The following LRRC36 variants were observed in gnomAD, a reference collection of about 807,000 sequenced individuals.
LRRC36 encodes leucine-rich repeat-containing protein 36.
In LRRC36, 62 loss-of-function variants were observed where a neutral mutation model predicts 81.1. That is an observed-to-expected ratio of 0.76 (90% CI 0.62 to 0.94). The LOEUF (loss-of-function observed/expected upper bound fraction) is 0.94, where lower values mean the gene tolerates loss of function less well. LRRC36 is among the 40% of genes least tolerant of loss of function. LRRC36 has a pLI of 0.00. For synonymous variants in LRRC36, 334 were observed against 348.6 expected (o/e 0.96, Z 0.47); for missense variants, 761 against 881.7 (o/e 0.86, Z 1.73).
At chr16:67,337,191 T>C (rs1285856598) in intron 1 of LRRC36, among the ~76,000 whole-genome samples, 1 of 152,206 alleles carries the variant, frequency 6.6e-6, no homozygotes, top group Non-Finnish European at 1.5e-5. Context: ...TGAATAATGC[T>C]GCTATGGATG....
intron 5 of LRRC36, among the ~76,000 whole-genome samples, chr16:67,353,151 A>C (rs1372817206): frequency 6.6e-6 from 1 of 152,124 alleles, no homozygotes; most frequent in Non-Finnish European, 1.5e-5. Context: ...CTCTCAAGCT[A>C]AACATGTCCA....
At chr16:67,361,632 G>C (rs1393818818) in intron 5 of LRRC36, among the ~76,000 whole-genome samples, 1 of 152,180 alleles carries the variant, frequency 6.6e-6, no homozygotes, top group Non-Finnish European at 1.5e-5. Context: ...GAGTGCAATG[G>C]TGCGATCTCA....
rs2039919115 is a variant in LRRC36 at position 67,376,874 on chromosome 16, T to C, written c.1806+2T>C. ...GCGCAGCTGGTCCCTAATGACATGG[T>C]ATGCCCCTCTCATCTCCCTTTAGAA... On this transcript the variant is annotated splice_donor_variant, in intron 11 of 13. Coordinates refer to ENST00000329956, the MANE Select transcript of LRRC36 (RefSeq NM_018296.6). LOFTEE classifies it high-confidence loss of function. 1 of 1,607,200 alleles carries C rather than the reference T, an allele frequency of 6.2e-7. No individual in the cohort carries two copies. Among genetic ancestry groups the C allele is most frequent in the Non-Finnish European group, 8.5e-7 (1 of 1,174,840 alleles).
At chr16:67,375,194 A>G (rs2039835691) in intron 9 of LRRC36, 53 bp from the exon 10 acceptor site, 2 of 1,571,326 alleles carry the variant, frequency 1.3e-6, no homozygotes, top group East Asian at 4.5e-5. Context: ...TGTAAGAATG[A>G]CAAATGGTTG....
At chr16:67,384,772 A>G in intron 13 of LRRC36, 98 bp from the exon 14 acceptor site, 1 of 779,200 alleles carries the variant, frequency 1.3e-6, no homozygotes, top group Non-Finnish European at 2.2e-6. Flanking sequence ...TAAAGATGTG[A>G]CTTCATTTCA....
intron 9 of LRRC36, chr16:67,371,919 G>A (rs1597492677): frequency 6.5e-6 from 1 of 152,738 alleles, no homozygotes; most frequent in East Asian, 1.9e-4. Context: ...TTTCTGTCTA[G>A]AAGTTAAAAG....
intron 6 of LRRC36, among the ~76,000 whole-genome samples, chr16:67,364,899 A>G (rs564060884): frequency 6.6e-6 from 1 of 152,276 alleles, no homozygotes; most frequent in African/African-American, 2.4e-5. Flanking sequence ...GTCCTTGCCT[A>G]GTTATGCCTC....
chr16:67,379,003 C>T (rs540443084), intron 12 of LRRC36, among the ~76,000 whole-genome samples: 2 of 152,274 alleles, frequency 1.3e-5, no homozygotes, highest in South Asian at 4.1e-4. Context: ...ACACCAAGAA[C>T]ATGTTCTTTA....
rs1249064184 is a variant in LRRC36, at chr16:67,367,025, C to T, written c.763C>T (p.His255Tyr). The change falls in exon 8 of 14, where the codon CAC (histidine) becomes TAC (tyrosine). Residue 255 changes from histidine (H) to tyrosine (Y), a missense_variant. His to Tyr is a moderately conservative substitution (Grantham distance 83). Coordinates refer to ENST00000329956, the MANE Select transcript of LRRC36 (RefSeq NM_018296.6). ...GCCTTGGTGGTGTTTAGAGTTCAGA[C>T]ACTACTCGCCTCGTCAGTCCACAGT... ...SDNHQEDEFRHYSPRQSTVRS... is the reference protein window; with the variant it reads ...SDNHQEDEFRYYSPRQSTVRS... The T allele has an allele frequency of 5.6e-6, 9 of 1,599,702 alleles. No homozygotes were observed. Among genetic ancestry groups the T allele is most frequent in the Non-Finnish European group, 7.7e-6 (9 of 1,174,014 alleles).
In LRRC36 at chr16:67,370,063, C is replaced by G. The variant is rs188500418; in HGVS notation, c.1196-881C>G. Among the ~76,000 whole-genome samples the G allele has an allele frequency of 5.3e-5, 8 of 152,106 alleles. No individual in the cohort carries two copies. In the East Asian group the frequency reaches 1.5e-3, roughly 29 times the overall value. ...ATGCCAGGGAGAAAAGGGACCGTTA[C>G]AAGAAAATGGAATCCAGTCCACCAG... On this transcript the variant is annotated intron_variant, in intron 8 of 13. Coordinates refer to ENST00000329956, the MANE Select transcript of LRRC36 (RefSeq NM_018296.6).
At position 67,326,933 on chromosome 16, in the gene LRRC36, G is replaced by A. The variant is rs1262688617; in HGVS notation, c.70+1G>A. 3.3e-6 allele frequency: 5 copies of A among 1,500,154 alleles called. No individual in the cohort carries two copies. Among genetic ancestry groups the A allele is most frequent in the Non-Finnish European group, 3.5e-6 (4 of 1,135,960 alleles). 92.9% of individuals were successfully genotyped at this position (1,500,154 alleles called of 1,614,324 possible). On this transcript the variant is annotated splice_donor_variant, in intron 1 of 13. Coordinates refer to ENST00000329956, the MANE Select transcript of LRRC36 (RefSeq NM_018296.6). LOFTEE classifies it high-confidence loss of function. ...GGGGCGCTGACGCTGGAGCAGCCGG[G>A]TAGGGTCTGGCCGGGAGGGTGTGGA... is the stretch of plus-strand genomic sequence containing the variant.
intron 1 of LRRC36, among the ~76,000 whole-genome samples, chr16:67,335,391 CAG>C (rs992851447): frequency 6.6e-6 from 1 of 152,200 alleles, no homozygotes; most frequent in African/African-American, 2.4e-5. Flanking sequence ...CACCGGCAAT[CAG>C]AGTTTAAAGG....
intron 1 of LRRC36, among the ~76,000 whole-genome samples, chr16:67,341,345 T>C (rs2038074000): frequency 6.7e-6 from 1 of 148,768 alleles, no homozygotes; most frequent in Non-Finnish European, 1.5e-5. Flanking sequence ...ATATGTTTTG[T>C]ACATATGCAT....
intron 1 of LRRC36, 26 bp from the exon 2 acceptor site, chr16:67,341,931 T>A (rs772158896): frequency 6.3e-7 from 1 of 1,592,390 alleles, no homozygotes; most frequent in Non-Finnish European, 8.6e-7. Flanking sequence ...GGGATCATAA[T>A]ATATCTACTG....
chr16:67,340,414 T>C (rs2037975566), intron 1 of LRRC36, among the ~76,000 whole-genome samples: 1 of 151,888 alleles, frequency 6.6e-6, no homozygotes. Context: ...TCCCAGCACT[T>C]TGGGAGGCTG....
chr16:67,371,014 C>A lies in LRRC36; in HGVS notation c.1266C>A (p.Thr422=). 6.2e-7 allele frequency: 1 copy of A among 1,614,088 alleles called. No homozygotes were observed. The highest frequency in any genetic ancestry group is 8.5e-7 in the Non-Finnish European group (1 of 1,179,982). ...TCAATGTAGAGCAACAATTATCTAC[C>A]AGCCTGGATGATTTAACACCAGCAC... is the stretch of plus-strand genomic sequence containing the variant. ...VLVNVEQQLS[T]SLDDLTPAHG... is the part of the protein sequence containing the mutation. Residue 422 remains threonine (T), a synonymous_variant, in exon 9 of 14, where the codon ACC becomes ACA. Transcript: ENST00000329956.
In LRRC36 at chr16:67,338,865, ATTTTTTTTTTTTTTTTTTTTTTTTTT is replaced by A. The variant is rs71145967; in HGVS notation, c.71-3071_71-3046del. Among the ~76,000 whole-genome samples, 263 of 45,404 alleles carry A rather than the reference ATTTTTTTTTTTTTTTTTTTTTTTTTT, an allele frequency of 5.8e-3. 2 individuals carry two copies. Among genetic ancestry groups the A allele is most frequent in the Admixed American group, 0.028 (84 of 3,052 alleles). The allele number at this position is 45,404 out of a possible 152,430, so 29.8% of individuals were successfully genotyped here. ...TTTCTAATTTCTGCTTGGAAGCTGA[ATTTTTTTTTTTTTTTTTTTTTTTTTT>A]TTTTTTTTTTTTTTTTTTTTAGGGA... On this transcript the variant is annotated intron_variant, in intron 1 of 13. Coordinates refer to ENST00000329956, the MANE Select transcript of LRRC36 (RefSeq NM_018296.6).
intron 8 of LRRC36, among the ~76,000 whole-genome samples, chr16:67,369,762 A>C (rs2142121907): frequency 6.6e-6 from 1 of 152,246 alleles, no homozygotes; most frequent in African/African-American, 2.4e-5. Flanking sequence ...CCCCTTTATA[A>C]AACCATCAGA....
chr16:67,359,403 A>G (rs922932057), intron 5 of LRRC36, among the ~76,000 whole-genome samples: 1 of 152,242 alleles, frequency 6.6e-6, no homozygotes, highest in Admixed American at 6.5e-5. Flanking sequence ...GTATGATTCC[A>G]TTTATATAAA....
Sources: allele counts gnomAD v4.1 joint callset (sites outside exome capture counted in the v4.1 genomes callset), GRCh38; gene constraint gnomAD v4.1.1; transcripts MANE v1.5; gene names NCBI Gene and HGNC (gene_info 2026-07-23, HGNC 2026-07-21).